Variants in ZBBX observed in about 807,000 individuals in gnomAD.
ZBBX encodes zinc finger B-box domain-containing protein 1.
ZBBX carries 101 observed loss-of-function variants against 108.5 expected under a neutral mutation model. The ratio of observed to expected loss-of-function variants is 0.93; its 90% confidence interval spans 0.79 to 1.10. The LOEUF (loss-of-function observed/expected upper bound fraction) is 1.10. Ranked by LOEUF, ZBBX falls within the 50% of genes least tolerant of loss-of-function variation. ZBBX has a pLI of 0.00. For synonymous variants in ZBBX, 356 were observed against 323.4 expected (o/e 1.10, Z -1.08); for missense variants, 1,009 against 941.4 (o/e 1.07, Z -0.94).
intron 12 of ZBBX, among the ~76,000 whole-genome samples, chr3:167,321,566 T>G (rs1430139588): frequency 1.3e-5 from 2 of 152,010 alleles, no homozygotes; most frequent in African/African-American, 4.8e-5. Context: ...CATCCAACCA[T>G]TATCACCTGG....
chr3:167,227,582 A>G, the ZBBX span, among the ~76,000 whole-genome samples: 1 of 151,684 alleles, frequency 6.6e-6, no homozygotes, highest in Admixed American at 6.6e-5. Flanking sequence ...AAAAATTTTG[A>G]AACATTTTCA....
chr3:167,283,175 T>C (rs974492299), intron 19 of ZBBX, among the ~76,000 whole-genome samples: 1 of 152,202 alleles, frequency 6.6e-6, no homozygotes, highest in Admixed American at 6.5e-5. Context: ...CTTCACCTGT[T>C]TTGAAAGTTG....
chr3:167,310,625 G>A (rs1403442754), intron 16 of ZBBX, among the ~76,000 whole-genome samples: 2 of 152,008 alleles, frequency 1.3e-5, no homozygotes. Flanking sequence ...TAAATCATCA[G>A]AGCTCACGAG....
chr3:167,256,932 A>G (rs554233398), intron 20 of ZBBX, among the ~76,000 whole-genome samples: 5 of 152,300 alleles, frequency 3.3e-5, no homozygotes, highest in African/African-American at 1.2e-4. Context: ...TGCAACAAAC[A>G]TAAGAATGCA....
intron 1 of ZBBX, among the ~76,000 whole-genome samples, chr3:167,393,712 T>C (rs144052312): frequency 1.7e-3 from 256 of 151,998 alleles, no homozygotes; most frequent in African/African-American, 6.0e-3. Flanking sequence ...TTGTCCATAA[T>C]AGCAAACCAA....
chr3:167,335,547 T>A (rs2108413904), intron 9 of ZBBX, among the ~76,000 whole-genome samples: 1 of 151,730 alleles, frequency 6.6e-6, no homozygotes, highest in East Asian at 1.9e-4. Context: ...TTAGCAAATA[T>A]CCTCCAAACA....
chr3:167,330,006 C>T (rs1196847020), intron 10 of ZBBX, among the ~76,000 whole-genome samples: 1 of 152,098 alleles, frequency 6.6e-6, no homozygotes, highest in Non-Finnish European at 1.5e-5. Context: ...TACATTTGTG[C>T]AAAACCACAT....
chr3:167,242,683 C>G (rs1435930918), intron 20 of ZBBX, 40 bp from the exon 21 acceptor site: 1 of 1,583,076 alleles, frequency 6.3e-7, no homozygotes, highest in Non-Finnish European at 8.6e-7. Flanking sequence ...AACATAAATT[C>G]AAGAAACAAA....
intron 19 of ZBBX, among the ~76,000 whole-genome samples, chr3:167,286,287 C>T (rs1266108342): frequency 6.6e-6 from 1 of 152,078 alleles, no homozygotes; most frequent in Non-Finnish European, 1.5e-5. Context: ...TTAGGAGAGA[C>T]GGGTAGCCAA....
At chr3:167,385,687 G>A (rs1205370797) in intron 1 of ZBBX, among the ~76,000 whole-genome samples, 2 of 151,486 alleles carry the variant, frequency 1.3e-5, no homozygotes, top group Admixed American at 6.6e-5. Context: ...TTTTAAAACT[G>A]TTTTTGTTAA....
At chr3:167,331,027 A>G (rs1051187676) in intron 10 of ZBBX, among the ~76,000 whole-genome samples, 5 of 150,108 alleles carry the variant, frequency 3.3e-5, no homozygotes, top group African/African-American at 1.2e-4. Flanking sequence ...ACACAGCAAG[A>G]AGGCAGCCAT....
At chr3:167,295,742 TATATATATATATATATAAAA>T (rs1185936202) in intron 18 of ZBBX, among the ~76,000 whole-genome samples, 10,433 of 31,900 alleles carry the variant, frequency 0.33, 1,346 homozygotes, top group South Asian at 0.4. Flanking sequence ...TATATATATA[TATATATATATATATATAAAA>T]AAAACTAGTA....
rs757530470 is a variant in ZBBX at position 167,398,365 on chromosome 3, C to T, written c.-446+9361G>A. ...TCAGTCTACAACAAATATAAAAAGG[C>T]ATAAGATTCTTTAAAGGGCCCAATA... On this transcript the variant is annotated intron_variant, in intron 1 of 21. Transcript: ENST00000455345. 1.8e-4 allele frequency among the ~76,000 whole-genome samples: 27 copies of T among 152,078 alleles called. 1 individual carries two copies. The highest frequency in any genetic ancestry group is 2.6e-4 in the Non-Finnish European group (18 of 67,946).
chr3:167,185,599 A>C, the ZBBX span, among the ~76,000 whole-genome samples: 1 of 152,172 alleles, frequency 6.6e-6, no homozygotes, highest in Non-Finnish European at 1.5e-5. Flanking sequence ...TTATTATCAC[A>C]AAAAGTAGAT....
At chr3:167,365,813 G>A in intron 6 of ZBBX, 73 bp downstream of exon 6, 1 of 1,061,308 alleles carries the variant, frequency 9.4e-7, no homozygotes, top group Non-Finnish European at 1.4e-6. Context: ...GAGTATAGAA[G>A]AAAATGCAAG....
chr3:167,330,871 G>GGAGAAGAAGAAGAAGAAGAAGAAGAAGA (rs1738393872), intron 10 of ZBBX, among the ~76,000 whole-genome samples: 2 of 43,916 alleles, frequency 4.6e-5, no homozygotes, highest in African/African-American at 1.6e-4. Flanking sequence ...GGAGGAGGAG[G>GGAGAAGAAGAAGAAGAAGAAGAAGAAGA]AGAAGAAGAA....
At chr3:167,395,204 A>G (rs1305562818) in intron 1 of ZBBX, among the ~76,000 whole-genome samples, 1 of 152,104 alleles carries the variant, frequency 6.6e-6, no homozygotes, top group Non-Finnish European at 1.5e-5. Flanking sequence ...TTTATAGATC[A>G]AACTAGATGG....
intron 1 of ZBBX, among the ~76,000 whole-genome samples, chr3:167,387,507 G>C (rs978670531): frequency 4.6e-5 from 7 of 151,956 alleles, no homozygotes; most frequent in Admixed American, 1.3e-4. Context: ...TATGGAGCGT[G>C]GGTGAAATTA....
At chr3:167,260,415 C>T (rs776860715) in intron 20 of ZBBX, among the ~76,000 whole-genome samples, 29 of 152,266 alleles carry the variant, frequency 1.9e-4, no homozygotes, top group Non-Finnish European at 4.0e-4. Context: ...CGATTATTCC[C>T]CAAACACATT....
Sources: gnomAD v4.1 joint callset for allele counts (sites outside exome capture counted in the v4.1 genomes callset) on GRCh38, gnomAD v4.1.1 for gene constraint, MANE v1.5 for transcripts, NCBI Gene and HGNC (gene_info 2026-07-23, HGNC 2026-07-21) for gene names.